The following BCAR3 variants were observed in gnomAD, a reference collection of about 807,000 sequenced individuals.
The protein encoded by BCAR3 is BCAR3 adaptor protein, NSP family member.
Under a neutral mutation model 80.1 loss-of-function variants are expected in BCAR3, and 37 were observed. The observed-to-expected ratio is 0.46, with a 90% CI of 0.36 to 0.61. The LOEUF is 0.61. Among genes scored for constraint, BCAR3 ranks in the 20% least tolerant of loss-of-function variants. The pLI, the probability that BCAR3 is intolerant of heterozygous loss-of-function variation, is 0.00. For missense variants in BCAR3, 978 were observed against 1,068.2 expected (o/e 0.92, Z 1.18); for synonymous variants, 389 against 418.9 (o/e 0.93, Z 0.87).
intron 3 of BCAR3, among the ~76,000 whole-genome samples, chr1:93,602,927 A>G (rs1048148649): frequency 6.6e-6 from 1 of 152,214 alleles, no homozygotes; most frequent in Admixed American, 6.5e-5. Flanking sequence ...TTGCAATGAA[A>G]TAATTAGTAG....
chr1:93,743,953 T>A (rs1041769841), intron 2 of BCAR3, among the ~76,000 whole-genome samples: 1 of 152,074 alleles, frequency 6.6e-6, no homozygotes, highest in Non-Finnish European at 1.5e-5. Context: ...CATGGGGATG[T>A]GTAGTGGGAG....
At position 93,823,724 on chromosome 1, in the gene BCAR3, C is replaced by T. The variant is rs1239532072; in HGVS notation, c.-63+21843G>A. Among the ~76,000 whole-genome samples, 3 of 134,352 alleles carry T rather than the reference C, an allele frequency of 2.2e-5. 1 individual carries two copies. Among genetic ancestry groups the T allele is most frequent in the Admixed American group, 7.7e-5 (1 of 13,050 alleles). 88.1% of individuals were successfully genotyped at this position (134,352 alleles called of 152,430 possible). On this transcript the variant is annotated intron_variant, in intron 2 of 13. Coordinates refer to the BCAR3 transcript ENST00000370244. ...TTGTTGTTGTTATTATTTTTTGAGA[C>T]GGAGTCTCGCTCTGTGGCCAGGCTG...
chr1:93,595,939 G>A (rs1020630905), intron 3 of BCAR3, among the ~76,000 whole-genome samples: 4 of 152,198 alleles, frequency 2.6e-5, no homozygotes, highest in Admixed American at 1.3e-4. Flanking sequence ...CTGCTGCCAC[G>A]TGGGAAGAAT....
Position 93,824,113 on chromosome 1 carries a change from A to T in BCAR3, c.-63+21454T>A, listed in dbSNP as rs150266624. Among the ~76,000 whole-genome samples the T allele has an allele frequency of 3.2e-3, 425 of 133,962 alleles. 44 individuals carry two copies. Among genetic ancestry groups the T allele is most frequent in the African/African-American group, 0.01 (400 of 39,962 alleles). 87.9% of individuals were successfully genotyped at this position (133,962 alleles called of 152,430 possible). On this transcript the variant is annotated intron_variant, in intron 2 of 13. Transcript: ENST00000370244. ...CTTGTTTTCGGTATTCCTAGTAGAC[A>T]TTCAACTAATGTTTGTTGAATGAAC...
intron 2 of BCAR3, among the ~76,000 whole-genome samples, chr1:93,832,799 C>T (rs1186725678): frequency 6.6e-6 from 1 of 152,168 alleles, no homozygotes; most frequent in Non-Finnish European, 1.5e-5. Flanking sequence ...TCCCCACCTG[C>T]CCAGCTCGCT....
chr1:93,587,869 C>T (rs890877832), intron 5 of BCAR3, among the ~76,000 whole-genome samples: 1 of 152,068 alleles, frequency 6.6e-6, no homozygotes, highest in Non-Finnish European at 1.5e-5. Flanking sequence ...AGATAATATG[C>T]ACAAAGACTC....
At chr1:93,647,077 A>G (rs910216104) in intron 2 of BCAR3, among the ~76,000 whole-genome samples, 2 of 152,272 alleles carry the variant, frequency 1.3e-5, no homozygotes, top group Non-Finnish European at 2.9e-5. Flanking sequence ...TATTAAAGGT[A>G]AAATATCTTT....
intron 3 of BCAR3, among the ~76,000 whole-genome samples, chr1:93,628,931 A>T (rs1226308323): frequency 6.6e-6 from 1 of 152,204 alleles, no homozygotes; most frequent in African/African-American, 2.4e-5. Context: ...TTCTAACAGA[A>T]CATTAGCAAA....
At chr1:93,782,865 T>C (rs763141476) in intron 2 of BCAR3, among the ~76,000 whole-genome samples, 1 of 151,996 alleles carries the variant, frequency 6.6e-6, no homozygotes, top group Non-Finnish European at 1.5e-5. Context: ...CAGGAAGAAG[T>C]GAGAGGATAA....
chr1:93,686,358 T>A (rs1648973380), upstream of BCAR3, among the ~76,000 whole-genome samples: 1 of 152,182 alleles, frequency 6.6e-6, no homozygotes, highest in Non-Finnish European at 1.5e-5. Context: ...ATGCTATGAT[T>A]GTGCCTGTGC....
intron 2 of BCAR3, among the ~76,000 whole-genome samples, chr1:93,726,078 TG>T: frequency 6.6e-6 from 1 of 152,266 alleles, no homozygotes; most frequent in Admixed American, 6.5e-5. Flanking sequence ...TTTGTTTTTT[TG>T]TTTTTGAGAC....
chr1:93,803,091 A>T (rs554755691), intron 2 of BCAR3, among the ~76,000 whole-genome samples: 44 of 152,262 alleles, frequency 2.9e-4, no homozygotes, highest in Middle Eastern at 6.8e-3. Context: ...CCCCTGCAGG[A>T]TCTATTGCAA....
chr1:93,738,707 G>C (rs966629300), intron 2 of BCAR3, among the ~76,000 whole-genome samples: 1 of 152,212 alleles, frequency 6.6e-6, no homozygotes, highest in Non-Finnish European at 1.5e-5. Flanking sequence ...AGCACTGGTC[G>C]GGGAGCAGTT....
chr1:93,681,388 C>T (rs1382192052), intron 1 of BCAR3: 1 of 152,242 alleles, frequency 6.6e-6, no homozygotes, highest in East Asian at 1.9e-4. Context: ...CTGGAGAGCG[C>T]AAGCCCCAGC....
chr1:93,846,482 CG>C (rs1341171603), intron 1 of BCAR3, among the ~76,000 whole-genome samples: 4 of 152,122 alleles, frequency 2.6e-5, no homozygotes, highest in Non-Finnish European at 4.4e-5. Flanking sequence ...CAAAGGGCTT[CG>C]GGGTCTTGCG....
intron 2 of BCAR3, among the ~76,000 whole-genome samples, chr1:93,724,555 G>A (rs1650515073): frequency 6.6e-6 from 1 of 152,192 alleles, no homozygotes; most frequent in South Asian, 2.1e-4. Flanking sequence ...GAAAATGCCT[G>A]CTTCCTGCAG....
chr1:93,570,978 C>A (rs575028396), intron 9 of BCAR3, among the ~76,000 whole-genome samples: 1 of 152,120 alleles, frequency 6.6e-6, no homozygotes, highest in Admixed American at 6.5e-5. Flanking sequence ...CCGAGGTGGG[C>A]AGATCACCTG....
At chr1:93,774,065 T>C (rs1652450083) in intron 2 of BCAR3, among the ~76,000 whole-genome samples, 1 of 152,210 alleles carries the variant, frequency 6.6e-6, no homozygotes, top group Non-Finnish European at 1.5e-5. Flanking sequence ...TTCGAATAAC[T>C]ATCAATTGGC....
chr1:93,694,893 C>T (rs1007761349), intron 3 of BCAR3, among the ~76,000 whole-genome samples: 1 of 152,232 alleles, frequency 6.6e-6, no homozygotes, highest in African/African-American at 2.4e-5. Flanking sequence ...ATGCTCCAGC[C>T]TCAAAGTAAA....
Sources: allele counts gnomAD v4.1 joint callset (sites outside exome capture counted in the v4.1 genomes callset), GRCh38; gene constraint gnomAD v4.1.1; transcripts MANE v1.5; gene names NCBI Gene and HGNC (gene_info 2026-07-23, HGNC 2026-07-21).